The following ETV6 variants were observed in gnomAD, a reference collection of about 807,000 sequenced individuals.
The protein encoded by ETV6 is ETS variant transcription factor 6, also known as transcription factor ETV6.
Under a neutral mutation model 51.1 loss-of-function variants are expected in ETV6, and 16 were observed. The observed-to-expected ratio is 0.31, with a 90% confidence interval of 0.21 to 0.48. ETV6 has a LOEUF of 0.48. Ranked by LOEUF, ETV6 falls within the 20% of genes least tolerant of loss-of-function variation. ETV6 has a pLI of 0.99. For missense variants in ETV6, 458 were observed against 594.8 expected (o/e 0.77, Z 2.39); for synonymous variants, 240 against 224.1 (o/e 1.07, Z -0.64).
intron 1 of ETV6, among the ~76,000 whole-genome samples, chr12:11,722,148 T>C (rs1865400475): frequency 6.6e-6 from 1 of 152,226 alleles, no homozygotes; most frequent in Non-Finnish European, 1.5e-5. Context: ...AAGCCATAGA[T>C]AATCCCAGTG....
At chr12:11,811,372 A>G (rs1427981281) in intron 2 of ETV6, among the ~76,000 whole-genome samples, 1 of 152,264 alleles carries the variant, frequency 6.6e-6, no homozygotes, top group Non-Finnish European at 1.5e-5. Flanking sequence ...TGGCCACTGC[A>G]GCTATCTGCT....
At chr12:11,804,955 AC>A (rs555106949) in intron 2 of ETV6, among the ~76,000 whole-genome samples, 37 of 152,304 alleles carry the variant, frequency 2.4e-4, no homozygotes, top group African/African-American at 8.7e-4. Flanking sequence ...TTGAGCTTTT[AC>A]CATGAAGATT....
intron 4 of ETV6, among the ~76,000 whole-genome samples, chr12:11,856,118 T>G (rs1946629689): frequency 1.3e-5 from 2 of 152,196 alleles, no homozygotes; most frequent in African/African-American, 2.4e-5. Flanking sequence ...CCCTTTGGCC[T>G]GATTTGACTC....
intron 7 of ETV6, among the ~76,000 whole-genome samples, chr12:11,888,949 T>G (rs935016999): frequency 2.0e-5 from 3 of 152,174 alleles, no homozygotes; most frequent in African/African-American, 7.2e-5. Context: ...TGTAGTTTTA[T>G]GTGTCAAGTC....
intron 2 of ETV6, among the ~76,000 whole-genome samples, chr12:11,819,179 A>C (rs1591696258): frequency 1.3e-5 from 2 of 150,772 alleles, no homozygotes; most frequent in Admixed American, 6.6e-5. Context: ...CCTCCTCCTC[A>C]CCTCCCATTA....
chr12:11,885,856 G>A (rs1338079805), intron 6 of ETV6, 70 bp from the exon 7 acceptor site: 27 of 1,140,092 alleles, frequency 2.4e-5, no homozygotes, highest in Non-Finnish European at 2.9e-5. Flanking sequence ...AGCTCCCGCA[G>A]TGCCTTTTCT....
At chr12:11,861,237 C>T (rs972953479) in intron 4 of ETV6, among the ~76,000 whole-genome samples, 1 of 152,118 alleles carries the variant, frequency 6.6e-6, no homozygotes. Context: ...TCTTGACTTC[C>T]TGCCCTCCCT....
intron 1 of ETV6, chr12:11,716,831 CCA>C (rs1865289123): frequency 6.6e-6 from 1 of 152,224 alleles, no homozygotes; most frequent in Non-Finnish European, 1.5e-5. Context: ...TTCATGCTGC[CCA>C]GTTCCAAGAG....
chr12:11,889,696 G>A (rs1947257986), intron 7 of ETV6, among the ~76,000 whole-genome samples: 1 of 152,172 alleles, frequency 6.6e-6, no homozygotes, highest in South Asian at 2.1e-4. Flanking sequence ...ACTGCATTGG[G>A]TTCATACTGA....
At chr12:11,791,987 T>C (rs1945603697) in intron 2 of ETV6, among the ~76,000 whole-genome samples, 1 of 152,196 alleles carries the variant, frequency 6.6e-6, no homozygotes, top group Non-Finnish European at 1.5e-5. Flanking sequence ...GGGAGGGTCG[T>C]ACACATCACT....
intron 2 of ETV6, among the ~76,000 whole-genome samples, chr12:11,820,788 A>C (rs781123593): frequency 2.0e-5 from 3 of 152,188 alleles, no homozygotes; most frequent in Non-Finnish European, 4.4e-5. Context: ...AGAGATAGGA[A>C]GCCACTGGGG....
chr12:11,736,473 G>T (rs1040301053), intron 1 of ETV6, among the ~76,000 whole-genome samples: 1 of 152,186 alleles, frequency 6.6e-6, no homozygotes, highest in African/African-American at 2.4e-5. Flanking sequence ...TTTTGATCAG[G>T]TACAAGAAAC....
intron 4 of ETV6, among the ~76,000 whole-genome samples, chr12:11,861,524 C>T (rs918690010): frequency 1.3e-5 from 2 of 152,208 alleles, no homozygotes; most frequent in Admixed American, 1.3e-4. Flanking sequence ...ACCCTTCCTG[C>T]CTGCACCAGG....
chr12:11,809,121 G>A (rs985303573), intron 2 of ETV6, among the ~76,000 whole-genome samples: 8 of 151,044 alleles, frequency 5.3e-5, no homozygotes, highest in Non-Finnish European at 8.8e-5. Flanking sequence ...AGCCGTGATC[G>A]TGCCACTGCA....
At chr12:11,675,347 T>C (rs1864403109) in intron 1 of ETV6, among the ~76,000 whole-genome samples, 1 of 152,262 alleles carries the variant, frequency 6.6e-6, no homozygotes, top group African/African-American at 2.4e-5. Flanking sequence ...GTTATCCTAA[T>C]ACATATTTTA....
chr12:11,703,420 GA>G (rs1865019127), intron 1 of ETV6, among the ~76,000 whole-genome samples: 1 of 152,020 alleles, frequency 6.6e-6, no homozygotes, highest in South Asian at 2.1e-4. Flanking sequence ...GTTTTCAAAG[GA>G]AAGGTTAGAG....
At chr12:11,853,243 G>A (rs1307442498) in intron 3 of ETV6, among the ~76,000 whole-genome samples, 184 bp from the exon 4 acceptor site, 2 of 152,158 alleles carry the variant, frequency 1.3e-5, no homozygotes, top group African/African-American at 2.4e-5. Flanking sequence ...ACTTCACATC[G>A]CTCTGACCTT....
intron 2 of ETV6, among the ~76,000 whole-genome samples, chr12:11,775,573 T>A (rs1487501439): frequency 6.6e-6 from 1 of 152,196 alleles, no homozygotes; most frequent in African/African-American, 2.4e-5. Flanking sequence ...AACAGACGCT[T>A]TTCTTGTTAA....
At chr12:11,801,157 T>A (rs779963085) in intron 2 of ETV6, among the ~76,000 whole-genome samples, 3 of 152,122 alleles carry the variant, frequency 2.0e-5, no homozygotes, top group Non-Finnish European at 2.9e-5. Flanking sequence ...GGATGGCAAA[T>A]ACGTGAACAG....
Sources: gnomAD v4.1 joint callset for allele counts (sites outside exome capture counted in the v4.1 genomes callset) on GRCh38, gnomAD v4.1.1 for gene constraint, MANE v1.5 for transcripts, NCBI Gene and HGNC (gene_info 2026-07-23, HGNC 2026-07-21) for gene names.